The following GMPPA variants were observed in gnomAD, a reference collection of about 807,000 sequenced individuals.
The protein encoded by GMPPA is mannose-1-phosphate guanylyltransferase regulatory subunit alpha.
Under a neutral mutation model 58.6 loss-of-function variants are expected in GMPPA, and 46 were observed. The observed-to-expected ratio is 0.78, with a 90% confidence interval of 0.62 to 1.00. The LOEUF (loss-of-function observed/expected upper bound fraction) is 1.00, where lower values mean the gene tolerates loss of function less well. GMPPA is among the 50% of genes least tolerant of loss of function. The pLI is 0.00. For missense variants in GMPPA, 468 were observed against 556.4 expected (o/e 0.84, Z 1.60); for synonymous variants, 211 against 214.9 (o/e 0.98, Z 0.16).
chr2:219,500,008 T>A lies in GMPPA; in HGVS notation c.33T>A (p.Pro11=). MLKAVILIGG[P]QKGTRFRPLS... Reference sequence around the variant, plus strand: ...AAGCGGTGATCCTGATTGGAGGCCCTCAAAAGGGTGAGGTGCCAGGGGAAT... The same window carrying A: ...AAGCGGTGATCCTGATTGGAGGCCCACAAAAGGGTGAGGTGCCAGGGGAAT... Residue 11 remains proline (P), a synonymous_variant, in exon 2 of 13, where the codon CCT becomes CCA. Transcript: ENST00000313597. 1.2e-6 allele frequency: 2 copies of A among 1,613,542 alleles called. No homozygotes were observed. The highest frequency in any genetic ancestry group is 1.7e-6 in the Non-Finnish European group (2 of 1,179,666).
At position 219,505,754 on chromosome 2, in the gene GMPPA, C is replaced by T. The variant is rs761012765; in HGVS notation, c.893C>T (p.Ser298Leu). Residue 298 changes from serine (S) to leucine (L), a missense_variant, in exon 10 of 13, where the codon TCG (serine) becomes TTG (leucine). Coordinates refer to ENST00000313597, the MANE Select transcript of GMPPA (RefSeq NM_013335.4). ...CACCCGACCGCCAAGGTGGCCCCCT[C>T]GGCTGTGGTGAGCACTGGTCCCAGC... ...YIHPTAKVAP[S>L]AVLGPNVSIG... is the part of the protein sequence containing the mutation. The T allele has an allele frequency of 8.3e-5, 134 of 1,606,616 alleles. No individual in the cohort carries two copies. Among genetic ancestry groups the T allele is most frequent in the Non-Finnish European group, 1.1e-4 (124 of 1,177,548 alleles).
In GMPPA at chr2:219,504,181, T is replaced by A. The variant is rs772381290; in HGVS notation, c.588T>A (p.Asp196Glu). ...FSPEALKPLR[D>E]VFQRNQQDGQ... ...CTGAAGCCTTGAAGCCTCTTCGGGA[T>A]GTCTTCCAGCGTAATCAGCAGGATG... is the stretch of plus-strand genomic sequence containing the variant. The change falls in exon 7 of 13, where the codon GAT (aspartate) becomes GAA (glutamate). Residue 196 changes from aspartate to glutamate, a missense_variant. Physicochemically the swap from Asp to Glu is conservative, Grantham distance 45. Coordinates refer to ENST00000313597, the MANE Select transcript of GMPPA (RefSeq NM_013335.4). The A allele has an allele frequency of 6.2e-7, 1 of 1,614,042 alleles. No homozygotes were observed. Among genetic ancestry groups the A allele is most frequent in the East Asian group, 2.2e-5 (1 of 44,872 alleles).
At chr2:219,506,139 C>T in intron 11 of GMPPA, 67 bp downstream of exon 11, 1 of 1,465,614 alleles carries the variant, frequency 6.8e-7, no homozygotes, top group East Asian at 2.3e-5. Context: ...CAGGCATCCC[C>T]CCAAGAACAG....
chr2:219,506,239 T>C lies in GMPPA; in HGVS notation c.994-15T>C, dbSNP rs1694587008. Reference sequence around the variant, plus strand: ...CCTGCCTCTTCCCCTTACCTTTCACTGTCCTCTTTGGCAGGAGCACACGTG... The same window carrying C: ...CCTGCCTCTTCCCCTTACCTTTCACCGTCCTCTTTGGCAGGAGCACACGTG... On this transcript the variant is annotated splice_polypyrimidine_tract_variant and intron_variant, in intron 11 of 12. Transcript: ENST00000313597. 2 of 1,596,686 alleles carry C rather than the reference T, an allele frequency of 1.3e-6. No individual in the cohort carries two copies. Among genetic ancestry groups the C allele is most frequent in the South Asian group, 2.2e-5 (2 of 89,590 alleles).
chr2:219,504,474 C>G (rs1304067010), intron 7 of GMPPA: 5 of 542,592 alleles, frequency 9.2e-6, no homozygotes, highest in Non-Finnish European at 1.6e-5. Context: ...CCTGAGTGTC[C>G]CAGAGACGTC....
chr2:219,505,561 C>T lies in GMPPA; in HGVS notation c.853+6C>T. 6.4e-7 allele frequency: 1 copy of T among 1,566,478 alleles called. No individual in the cohort carries two copies. The highest frequency in any genetic ancestry group is 1.7e-4 in the Middle Eastern group (1 of 6,008). ...AGGGGGCCCATGGATCCGAGGTACC[C>T]AGCCTGCCCCAATTCCTAACCTTTG... On this transcript the variant is annotated splice_donor_region_variant and intron_variant, in intron 9 of 12. Transcript: ENST00000313597.
At chr2:219,499,722 G>A in intron 1 of GMPPA, 2 of 588,948 alleles carry the variant, frequency 3.4e-6, no homozygotes, top group Non-Finnish European at 6.1e-6. Context: ...TACATCTTGG[G>A]GGAGGGCTAA....
Position 219,504,085 on chromosome 2 carries a change from A to G in GMPPA, c.492A>G (p.Val164=). The G allele has an allele frequency of 3.7e-6, 6 of 1,614,082 alleles. No homozygotes were observed. Among genetic ancestry groups the G allele is most frequent in the Non-Finnish European group, 5.1e-6 (6 of 1,179,966 alleles). The change falls in exon 7 of 13, where the codon GTA becomes GTG. Residue 164 remains valine, a splice_region_variant and synonymous_variant. Coordinates refer to ENST00000313597, the MANE Select transcript of GMPPA (RefSeq NM_013335.4). Reference sequence around the variant, plus strand: ...AACCCAGCCTGCTCTGTCCTCAGGTATTGCACTATGTGGAGAAACCCAGCA... The same window carrying G: ...AACCCAGCCTGCTCTGTCCTCAGGTGTTGCACTATGTGGAGAAACCCAGCA... ...CIVENPQTHE[V]LHYVEKPSTF... is the part of the protein sequence containing the mutation.
At chr2:219,500,578 C>T (rs1300272624) in intron 3 of GMPPA, 5 of 259,354 alleles carry the variant, frequency 1.9e-5, no homozygotes, top group East Asian at 8.7e-5. Context: ...TATTGCTTTT[C>T]GTATTGAGCC....
At chr2:219,506,137 C>T (rs972619868) in intron 11 of GMPPA, 65 bp downstream of exon 11, 23 of 1,453,894 alleles carry the variant, frequency 1.6e-5, no homozygotes, top group Non-Finnish European at 2.2e-5. Context: ...CCCAGGCATC[C>T]CCCCAAGAAC....
In GMPPA at chr2:219,504,212, T is replaced by C; in HGVS notation, c.619T>C (p.Leu207=). Residue 207 remains leucine, a splice_region_variant and synonymous_variant, in exon 7 of 13, where the codon TTG becomes CTG. Coordinates refer to ENST00000313597, the MANE Select transcript of GMPPA (RefSeq NM_013335.4). The part of the protein sequence containing the change: ...VFQRNQQDGQ[L]EDSPGLWPGA... ...CCAGCGTAATCAGCAGGATGGGCAA[T>C]TGTGAGGCAGGCCCCATAGCCCTGT... 6.2e-7 allele frequency: 1 copy of C among 1,614,002 alleles called. No homozygotes were observed. Among genetic ancestry groups the C allele is most frequent in the Non-Finnish European group, 8.5e-7 (1 of 1,179,946 alleles).
chr2:219,500,087 G>C (rs371286607), intron 2 of GMPPA, 34 bp from the exon 3 acceptor site: 20 of 1,601,532 alleles, frequency 1.2e-5, no homozygotes, highest in Non-Finnish European at 1.5e-5. Context: ...GAGGAAGGCA[G>C]GAGGCCGAAA....
chr2:219,505,867 C>A, intron 10 of GMPPA, 106 bp downstream of exon 10: 1 of 1,151,810 alleles, frequency 8.7e-7, no homozygotes, highest in Non-Finnish European at 1.2e-6. Flanking sequence ...TTTGTCACAG[C>A]CTATTGTGTG....
chr2:219,505,482 C>T lies in GMPPA; in HGVS notation c.780C>T (p.Leu260=). The change falls in exon 9 of 13, where the codon CTC becomes CTT. Residue 260 remains leucine, a synonymous_variant. Coordinates refer to ENST00000313597, the MANE Select transcript of GMPPA (RefSeq NM_013335.4). ...SAGSALYASR[L]YLSRYQDTHP... Reference sequence around the variant, plus strand: ...GTTCAGCCCTCTACGCCTCCCGCCTCTACCTGAGCCGATACCAGGACACTC... The same window carrying T: ...GTTCAGCCCTCTACGCCTCCCGCCTTTACCTGAGCCGATACCAGGACACTC... 1 of 1,579,908 alleles carries T rather than the reference C, an allele frequency of 6.3e-7. No individual in the cohort carries two copies. Among genetic ancestry groups the T allele is most frequent in the Non-Finnish European group, 8.6e-7 (1 of 1,162,826 alleles).
chr2:219,499,421 T>C (rs546183382), intron 1 of GMPPA, among the ~76,000 whole-genome samples: 11 of 152,298 alleles, frequency 7.2e-5, no homozygotes, highest in Middle Eastern at 3.4e-3. Flanking sequence ...GGTTCACTAT[T>C]GGGGTTCAGG....
intron 7 of GMPPA, chr2:219,504,493 C>T: frequency 1.9e-6 from 1 of 522,028 alleles, no homozygotes; most frequent in South Asian, 2.4e-5. Flanking sequence ...TCTTTCAGAA[C>T]AGACAGCAAC....
intron 4 of GMPPA, 27 bp downstream of exon 4, chr2:219,501,606 G>C: frequency 2.9e-6 from 4 of 1,394,598 alleles, no homozygotes; most frequent in Non-Finnish European, 4.1e-6. Flanking sequence ...TCGTATATGG[G>C]GGGGTGGGGA....
rs941130633 is a variant in GMPPA at position 219,500,103 on chromosome 2, T to C, written c.41-18T>C. On this transcript the variant is annotated intron_variant, in intron 2 of 12. Coordinates refer to ENST00000313597, the MANE Select transcript of GMPPA (RefSeq NM_013335.4). The stretch of plus-strand genomic sequence containing the variant: ...AGGAAGGCAGGAGGCCGAAATGTTC[T>C]CCTCTCTCCTCTCCCAGGAACTCGC... The C allele has an allele frequency of 1.2e-6, 2 of 1,602,410 alleles. No individual in the cohort carries two copies. The highest frequency in any genetic ancestry group is 2.7e-5 in the African/African-American group (2 of 74,850).
chr2:219,501,954 G>A lies in GMPPA; in HGVS notation c.346G>A (p.Asp116Asn). The change falls in exon 5 of 13, where the codon GAT (aspartate) becomes AAT (asparagine). Residue 116 changes from aspartate to asparagine, a missense_variant. By Grantham distance (23) the Asp-to-Asn change is conservative (BLOSUM62 1). Coordinates refer to ENST00000313597, the MANE Select transcript of GMPPA (RefSeq NM_013335.4). ...CGAGGCATTCTTCGTGCTCAATGCT[G>A]ATGTCTGCTCCGACTTCCCCTTGAG... ...SPEAFFVLNA[D>N]VCSDFPLSAM... 1.2e-6 allele frequency: 2 copies of A among 1,614,172 alleles called. No homozygotes were observed. The highest frequency in any genetic ancestry group is 1.7e-6 in the Non-Finnish European group (2 of 1,180,024).
Sources: gnomAD v4.1 joint callset for allele counts (sites outside exome capture counted in the v4.1 genomes callset) on GRCh38, gnomAD v4.1.1 for gene constraint, MANE v1.5 for transcripts, NCBI Gene and HGNC (gene_info 2026-07-23, HGNC 2026-07-21) for gene names.